PCDHGA5: variants seen among roughly 807,000 people sequenced by gnomAD.
PCDHGA5 encodes protocadherin gamma subfamily A, 5.
PCDHGA5 carries 36 observed loss-of-function variants against 56.7 expected under a neutral mutation model. The ratio of observed to expected loss-of-function variants is 0.64; its 90% CI spans 0.49 to 0.84. The LOEUF is 0.84. Ranked by LOEUF, PCDHGA5 falls within the 40% of genes least tolerant of loss-of-function variation. The pLI is 0.00. For synonymous variants in PCDHGA5, 563 were observed against 520.2 expected (o/e 1.08, Z -1.12); for missense variants, 1,305 against 1,201.5 (o/e 1.09, Z -1.27).
intron 1 of PCDHGA5, among the ~76,000 whole-genome samples, chr5:141,446,193 T>C (rs1402824950): frequency 6.6e-6 from 1 of 152,208 alleles, no homozygotes; most frequent in East Asian, 1.9e-4. Flanking sequence ...TTTATTATTA[T>C]ATTCCTAGGT....
At chr5:141,389,288 T>C (rs1434265418) in intron 1 of PCDHGA5, 1 of 1,613,906 alleles carries the variant, frequency 6.2e-7, no homozygotes, top group Admixed American at 1.7e-5. Flanking sequence ...CTGGAGCCTC[T>C]ATTTCACAAG....
intron 1 of PCDHGA5, chr5:141,428,441 G>C: frequency 2.6e-6 from 1 of 389,280 alleles, no homozygotes; most frequent in Non-Finnish European, 4.9e-6. Context: ...ACTAGACCAG[G>C]GGTTTTTCCC....
intron 1 of PCDHGA5, among the ~76,000 whole-genome samples, chr5:141,467,039 A>G (rs1467529268): frequency 2.6e-5 from 4 of 150,960 alleles, no homozygotes; most frequent in Non-Finnish European, 5.9e-5. Context: ...TTTTTTGTGT[A>G]ATGAATCAAT....
intron 1 of PCDHGA5, chr5:141,414,449 C>T (rs1223779483): frequency 6.2e-7 from 1 of 1,613,730 alleles, no homozygotes; most frequent in Non-Finnish European, 8.5e-7. Context: ...TACAATATCA[C>T]AGTGACAGCC....
In PCDHGA5 at chr5:141,491,533, C is replaced by G. The variant is rs758270791; in HGVS notation, c.2422-3274C>G. 4.3e-6 allele frequency: 7 copies of G among 1,614,010 alleles called. No homozygotes were observed. The highest frequency in any genetic ancestry group is 5.1e-6 in the Non-Finnish European group (6 of 1,180,028). ...GCTCAAGTACATGGAGGTGACGCTGCGGCCCACAGACTCGCAGAGCCACTG... is the reference window on the plus strand; with the variant it reads ...GCTCAAGTACATGGAGGTGACGCTGGGGCCCACAGACTCGCAGAGCCACTG... On this transcript the variant is annotated intron_variant, in intron 1 of 3. Transcript: ENST00000518069. The surrounding 1 kb of genome is among the most constrained non-coding windows in gnomAD (Gnocchi z 6.9).
chr5:141,473,930 G>T (rs966856411), intron 1 of PCDHGA5, among the ~76,000 whole-genome samples: 3 of 152,156 alleles, frequency 2.0e-5, no homozygotes, highest in Admixed American at 6.5e-5. Flanking sequence ...TGAGCTGGGT[G>T]CAGTAGCTCA....
rs747671382 is a variant in PCDHGA5 at position 141,444,152 on chromosome 5, A to ATTTTTT, written c.2422-50624_2422-50619dup. ...GATATGTGTCACTTGTGTGTACTGG[A>ATTTTTT]TTTTTTTTTTTTTTTTTTTTTTTTT... On this transcript the variant is annotated intron_variant, in intron 1 of 3. Coordinates refer to ENST00000518069, the MANE Select transcript of PCDHGA5 (RefSeq NM_018918.3). Among the ~76,000 whole-genome samples the ATTTTTT allele has an allele frequency of 3.5e-4, 12 of 33,898 alleles. 1 individual carries two copies. Among genetic ancestry groups the ATTTTTT allele is most frequent in the African/African-American group, 4.2e-4 (3 of 7,184 alleles). The allele number at this position is 33,898 out of a possible 152,430, so 22.2% of individuals were successfully genotyped here.
At chr5:141,376,159 C>T (rs1772345017) in intron 1 of PCDHGA5, 2 of 1,614,084 alleles carry the variant, frequency 1.2e-6, no homozygotes, top group Non-Finnish European at 8.5e-7. Context: ...TCACTCTGTA[C>T]CTGGTGGTGG....
chr5:141,423,238 G>C (rs765040062), intron 1 of PCDHGA5: 4 of 1,613,778 alleles, frequency 2.5e-6, no homozygotes, highest in South Asian at 2.2e-5. Context: ...CAGCATCCCC[G>C]AAGTCCTGGC....
chr5:141,398,861 A>G, intron 1 of PCDHGA5: 1 of 1,613,990 alleles, frequency 6.2e-7, no homozygotes, highest in South Asian at 1.1e-5. Flanking sequence ...TTCAACCGAG[A>G]CGTGTACAGA....
intron 1 of PCDHGA5, among the ~76,000 whole-genome samples, chr5:141,455,890 T>G (rs1055285369): frequency 1.3e-5 from 2 of 149,264 alleles, no homozygotes; most frequent in African/African-American, 2.4e-5. Flanking sequence ...TTTATTTATT[T>G]ATTTATTTAT....
intron 1 of PCDHGA5, chr5:141,390,450 T>A: frequency 1.2e-6 from 1 of 822,586 alleles, no homozygotes; most frequent in Non-Finnish European, 1.9e-6. Context: ...AAAGGAGGAG[T>A]AAAGTAGGAG....
At chr5:141,381,403 A>G (rs1036443196) in intron 1 of PCDHGA5, among the ~76,000 whole-genome samples, 2 of 152,244 alleles carry the variant, frequency 1.3e-5, no homozygotes, top group East Asian at 1.9e-4. Context: ...CTCTATCAAC[A>G]TCAGTGGAGA....
intron 1 of PCDHGA5, chr5:141,371,024 G>T: frequency 2.5e-6 from 4 of 1,614,004 alleles, no homozygotes; most frequent in Non-Finnish European, 3.4e-6. Flanking sequence ...ATCACCACCT[G>T]GTCCTCACAG....
chr5:141,472,337 C>T (rs1327386198), intron 1 of PCDHGA5, among the ~76,000 whole-genome samples: 1 of 151,764 alleles, frequency 6.6e-6, no homozygotes, highest in Non-Finnish European at 1.5e-5. Context: ...GTTGGGAGAT[C>T]GAGACCATCC....
intron 1 of PCDHGA5, chr5:141,430,828 G>C (rs760402028): frequency 1.3e-6 from 2 of 1,554,030 alleles, no homozygotes; most frequent in East Asian, 2.2e-5. Context: ...TGGGGACTCT[G>C]TGGGAGACCG....
At chr5:141,435,821 T>C (rs571444304) in intron 1 of PCDHGA5, among the ~76,000 whole-genome samples, 72 of 152,240 alleles carry the variant, frequency 4.7e-4, no homozygotes, top group African/African-American at 1.6e-3. Context: ...CTTTCTTCTT[T>C]GTTTGCTGCC....
chr5:141,416,096 T>C (rs2095991930), intron 1 of PCDHGA5: 1 of 161,152 alleles, frequency 6.2e-6, no homozygotes, highest in South Asian at 2.0e-4. Flanking sequence ...AGAAGGGCAA[T>C]AGGCCTTTTT....
intron 1 of PCDHGA5, chr5:141,391,341 C>G (rs2092360139): frequency 6.9e-6 from 1 of 145,086 alleles, no homozygotes. Flanking sequence ...GAGACAGAGT[C>G]TCTGTCTGTT....
Sources: gnomAD v4.1 joint callset for allele counts (sites outside exome capture counted in the v4.1 genomes callset) on GRCh38, gnomAD v4.1.1 for gene constraint, Gnocchi (gnomAD v3.1) non-coding constraint, MANE v1.5 for transcripts, NCBI Gene and HGNC (gene_info 2026-07-23, HGNC 2026-07-21) for gene names.